The following MED21 variants were observed in gnomAD, a reference collection of about 807,000 sequenced individuals.
MED21 encodes the protein mediator complex subunit 21, also known as mediator of RNA polymerase II transcription subunit 21.
Under a neutral mutation model 18.2 loss-of-function variants are expected in MED21, and 9 were observed. The ratio of observed to expected loss-of-function variants is 0.49; its 90% CI spans 0.30 to 0.86. The LOEUF (loss-of-function observed/expected upper bound fraction) is 0.86. Ranked by LOEUF, MED21 falls within the 40% of genes least tolerant of loss-of-function variation. The pLI is 0.07. For synonymous variants in MED21, 73 were observed against 60.5 expected (o/e 1.21, Z -0.96); for missense variants, 150 against 170.9 (o/e 0.88, Z 0.68).
intron 1 of MED21, 113 bp downstream of exon 1, chr12:27,022,734 G>GC (rs776561095): frequency 5.7e-6 from 9 of 1,588,400 alleles, no homozygotes; most frequent in African/African-American, 1.3e-5. Context: ...GAGAGACAGG[G>GC]CTTCGGCATA....
In MED21 at chr12:27,028,891, T is replaced by C; in HGVS notation, c.*430T>C. 3.0e-6 allele frequency: 3 copies of C among 986,156 alleles called. No individual in the cohort carries two copies. Among genetic ancestry groups the C allele is most frequent in the Non-Finnish European group, 2.4e-6 (2 of 830,338 alleles). 61.1% of individuals were successfully genotyped at this position (986,156 alleles called of 1,614,324 possible). ...GGGCTAGTGTCCTGCCTCTTAGAGG[T>C]GGCATTGTGTAAATCTGAGCTTTGA... On this transcript the variant is annotated 3_prime_UTR_variant, in exon 4 of 4. Coordinates refer to ENST00000282892, the MANE Select transcript of MED21 (RefSeq NM_004264.5).
At chr12:27,022,807 C>T (rs753993391) in intron 1 of MED21, 186 bp downstream of exon 1, 4 of 1,512,340 alleles carry the variant, frequency 2.6e-6, no homozygotes, top group Non-Finnish European at 3.5e-6. Flanking sequence ...CCGGGCGGTG[C>T]TTGAAGGTGC....
chr12:27,027,264 A>G (rs1941558137), intron 2 of MED21, 83 bp from the exon 3 acceptor site: 2 of 896,044 alleles, frequency 2.2e-6, no homozygotes, highest in Admixed American at 2.1e-5. Context: ...AGCTATATGA[A>G]GTTTCTGGTT....
Position 27,029,763 on chromosome 12 carries a change from A to G in MED21, c.*1302A>G. On this transcript the variant is annotated 3_prime_UTR_variant, in exon 4 of 4. Transcript: ENST00000282892. ...CTTTGCTATCAGATATTTGGCATAA[A>G]TCTGTACTCTTCATTATAGTTTTGG... 2 of 985,498 alleles carry G rather than the reference A, an allele frequency of 2.0e-6. No homozygotes were observed. Among genetic ancestry groups the G allele is most frequent in the Non-Finnish European group, 2.4e-6 (2 of 829,654 alleles). The allele number at this position is 985,498 out of a possible 1,614,324, so 61.0% of individuals were successfully genotyped here.
chr12:27,031,507 A>G (rs932906465), downstream of MED21, among the ~76,000 whole-genome samples: 3 of 152,228 alleles, frequency 2.0e-5, no homozygotes, highest in Non-Finnish European at 4.4e-5. Context: ...TTAACAAACC[A>G]AGTGACTACA....
intron 3 of MED21, among the ~76,000 whole-genome samples, chr12:27,027,685 G>A (rs1941563723): frequency 6.6e-6 from 1 of 152,192 alleles, no homozygotes. Context: ...ATGGTGCCAT[G>A]TTTAGGGCCA....
rs546795119 is a variant in MED21 at position 27,025,162 on chromosome 12, A to G, written c.43-1258A>G. ...GTGTTTCCTCTATTACAACAATGCT[A>G]TAATAGGAGAATGTATCCAATTTAA... On this transcript the variant is annotated intron_variant, in intron 1 of 3. Transcript: ENST00000282892. Among the ~76,000 whole-genome samples the G allele has an allele frequency of 9.8e-5, 15 of 152,372 alleles. No homozygotes were observed. In the East Asian group the frequency reaches 2.9e-3, roughly 29 times the overall value.
intron 1 of MED21, among the ~76,000 whole-genome samples, chr12:27,023,115 G>A (rs1462748021): frequency 6.6e-6 from 1 of 151,950 alleles, no homozygotes; most frequent in African/African-American, 2.4e-5. Context: ...GGTTGGTGCG[G>A]GAGCGATGCT....
In MED21 at chr12:27,022,924, C is replaced by A. The variant is rs1287932802; in HGVS notation, c.42+303C>A. Reference sequence around the variant, plus strand: ...GCGGTCCTGTCGTGTTCCCTGAGGACAGTTTTATTTTCTTGTCAGTGGTGC... The same window carrying A: ...GCGGTCCTGTCGTGTTCCCTGAGGAAAGTTTTATTTTCTTGTCAGTGGTGC... On this transcript the variant is annotated intron_variant, in intron 1 of 3. Transcript: ENST00000282892. 4.0e-6 allele frequency: 5 copies of A among 1,263,024 alleles called. No individual in the cohort carries two copies. The African/African-American group carries it at 7.6e-5, about 19-fold the overall frequency. The allele number at this position is 1,263,024 out of a possible 1,614,324, so 78.2% of individuals were successfully genotyped here. A position where few individuals can be genotyped will look rare whatever the true frequency, so the allele number is the denominator to read the frequency against.
intron 1 of MED21, 102 bp downstream of exon 1, chr12:27,022,723 T>G (rs913156679): frequency 6.3e-7 from 1 of 1,598,790 alleles, no homozygotes; most frequent in South Asian, 1.1e-5. Flanking sequence ...GGGAGCGGAC[T>G]GAGAGACAGG....
chr12:27,031,301 A>AT (rs1565481750), downstream of MED21, among the ~76,000 whole-genome samples: 7 of 152,162 alleles, frequency 4.6e-5, 1 homozygote, highest in South Asian at 1.0e-3. Context: ...CCTGCCGATG[A>AT]TTTTTTTTAA....
chr12:27,029,255 CT>C lies in MED21; in HGVS notation c.*798del. ...TCTTTTGCCCTTATTAACCTCTCAA[CT>C]TTTATTGCTGTATTCTAGTCAGACC... On this transcript the variant is annotated 3_prime_UTR_variant, in exon 4 of 4. Coordinates refer to ENST00000282892, the MANE Select transcript of MED21 (RefSeq NM_004264.5). The C allele has an allele frequency of 9.1e-6, 9 of 985,292 alleles. No individual in the cohort carries two copies. The highest frequency in any genetic ancestry group is 9.6e-6 in the Non-Finnish European group (8 of 829,828). The allele number at this position is 985,292 out of a possible 1,614,324, so 61.0% of individuals were successfully genotyped here. A position where few individuals can be genotyped will look rare whatever the true frequency, so the allele number is the denominator to read the frequency against.
At position 27,027,433 on chromosome 12, in the gene MED21, A is replaced by G; in HGVS notation, c.244A>G (p.Thr82Ala). Residue 82 changes from threonine to alanine, a missense_variant, in exon 3 of 4, where the codon ACA becomes GCA. Physicochemically the swap from Thr to Ala is moderately conservative, Grantham distance 58. Transcript: ENST00000282892. The stretch of plus-strand genomic sequence containing the variant: ...AGATTCCTTACCCAGTGAAGAATCT[A>G]CAGCTGCTTTACAGGTAAGCCTCTA... ...LIDSLPSEES[T>A]AALQAASLYK... is the part of the protein sequence containing the mutation. 6.2e-7 allele frequency: 1 copy of G among 1,612,266 alleles called. No homozygotes were observed. The highest frequency in any genetic ancestry group is 8.5e-7 in the Non-Finnish European group (1 of 1,178,732).
chr12:27,027,031 G>A (rs566090217), intron 2 of MED21, among the ~76,000 whole-genome samples: 5 of 152,108 alleles, frequency 3.3e-5, no homozygotes, highest in Middle Eastern at 3.4e-3. Flanking sequence ...CGGGTTCAAG[G>A]AATTCTCCTG....
At chr12:27,027,211 G>C (rs1050448055) in intron 2 of MED21, 136 bp from the exon 3 acceptor site, 13 of 530,288 alleles carry the variant, frequency 2.5e-5, no homozygotes, top group Non-Finnish European at 4.0e-5. Flanking sequence ...ACAGGCGTGA[G>C]CCACCACGCC....
downstream of MED21, among the ~76,000 whole-genome samples, chr12:27,033,107 A>C (rs1200386947): frequency 6.6e-6 from 1 of 152,170 alleles, no homozygotes; most frequent in South Asian, 2.1e-4. Context: ...TCCTTATTGC[A>C]ATAGTCTCCC....
Position 27,028,869 on chromosome 12 carries a change from C to T in MED21, c.*408C>T, listed in dbSNP as rs544930729. 1.2e-5 allele frequency: 12 copies of T among 986,766 alleles called. No homozygotes were observed. The South Asian group carries it at 2.8e-4, about 23-fold the overall frequency. The allele number at this position is 986,766 out of a possible 1,614,324, so 61.1% of individuals were successfully genotyped here. A position where few individuals can be genotyped will look rare whatever the true frequency, so the allele number is the denominator to read the frequency against. On this transcript the variant is annotated 3_prime_UTR_variant, in exon 4 of 4. Transcript: ENST00000282892. ...GACATAAGGGACATTTTAGTTTGGG[C>T]TAGTGTCCTGCCTCTTAGAGGTGGC...
At chr12:27,022,821 A>G (rs1592333092) in intron 1 of MED21, 200 bp downstream of exon 1, 1 of 1,501,436 alleles carries the variant, frequency 6.7e-7, no homozygotes. Context: ...AAGGTGCGGG[A>G]GGGAGCAGAC....
rs779945189 is a variant in MED21 at position 27,026,497 on chromosome 12, A to G, written c.120A>G (p.Thr40=). 6.2e-7 allele frequency: 1 copy of G among 1,613,940 alleles called. No homozygotes were observed. Among genetic ancestry groups the G allele is most frequent in the Admixed American group, 1.7e-5 (1 of 60,002 alleles). Reference sequence around the variant, plus strand: ...CTGCCTCTTTCAATAATATTCAGACAGCAATTAACAAAGACCAGCCAGCTA... The same window carrying G: ...CTGCCTCTTTCAATAATATTCAGACGGCAATTAACAAAGACCAGCCAGCTA... ...GPPASFNNIQ[T]AINKDQPANP... The change falls in exon 2 of 4, where the codon ACA becomes ACG. Residue 40 remains threonine, a synonymous_variant. Transcript: ENST00000282892.
Sources: allele counts gnomAD v4.1 joint callset (sites outside exome capture counted in the v4.1 genomes callset), GRCh38; gene constraint gnomAD v4.1.1; transcripts MANE v1.5; gene names NCBI Gene and HGNC (gene_info 2026-07-23, HGNC 2026-07-21).